SNTG1: variants seen among roughly 807,000 people sequenced by gnomAD.
SNTG1 encodes syntrophin gamma 1.
Under a neutral mutation model 74.7 loss-of-function variants are expected in SNTG1, and 39 were observed. The ratio of observed to expected loss-of-function variants is 0.52; its 90% CI spans 0.40 to 0.68. The LOEUF (loss-of-function observed/expected upper bound fraction) is 0.68, where lower values mean the gene tolerates loss of function less well. Ranked by LOEUF, SNTG1 falls within the 30% of genes least tolerant of loss-of-function variation. SNTG1 has a pLI of 0.00. For synonymous variants in SNTG1, 254 were observed against 217.1 expected, an observed-to-expected ratio of 1.17 and a Z score of -1.49; for missense variants, 685 against 609.5, an observed-to-expected ratio of 1.12 and a Z score of -1.30.
In SNTG1 at chr8:50,410,343, G is replaced by A. The variant is rs2092931254; in HGVS notation, c.162+7999G>A. 2.0e-5 allele frequency among the ~76,000 whole-genome samples: 3 copies of A among 152,134 alleles called. No homozygotes were observed. In the South Asian group the frequency reaches 6.2e-4, roughly 32 times the overall value. On this transcript the variant is annotated intron_variant, in intron 4 of 18. Coordinates refer to ENST00000642720, the MANE Select transcript of SNTG1 (RefSeq NM_018967.5). ...GAAATCTGTCAACATGGAGATTGGA[G>A]TCTGTGTACACACACATGCACAAAA...
Position 50,448,270 on chromosome 8 carries a change from A to G in SNTG1, c.220-1398A>G, listed in dbSNP as rs144350555. Among the ~76,000 whole-genome samples the G allele has an allele frequency of 8.8e-3, 1,332 of 151,896 alleles. 7 individuals carry two copies. The highest frequency in any genetic ancestry group is 0.044 in the Middle Eastern group (13 of 294). Reference sequence around the variant, plus strand: ...CAGTTTTCATTACCTTAATTATCATATTTCTTCTTAATATTCTGGAATTAG... The same window carrying G: ...CAGTTTTCATTACCTTAATTATCATGTTTCTTCTTAATATTCTGGAATTAG... On this transcript the variant is annotated intron_variant, in intron 5 of 18. Coordinates refer to ENST00000642720, the MANE Select transcript of SNTG1 (RefSeq NM_018967.5).
chr8:50,687,925 C>T (rs561661130), intron 15 of SNTG1, among the ~76,000 whole-genome samples: 2 of 152,274 alleles, frequency 1.3e-5, no homozygotes, highest in East Asian at 3.9e-4. Context: ...CTGTTGTTTC[C>T]TGACTTTTTA....
chr8:50,599,133 A>G (rs186016043), intron 13 of SNTG1, among the ~76,000 whole-genome samples: 8 of 152,056 alleles, frequency 5.3e-5, no homozygotes, highest in Admixed American at 2.0e-4. Context: ...ATTTCCGCCA[A>G]TGTATATTCT....
At chr8:50,002,536 TTTTC>T (rs1814839570) in intron 1 of SNTG1, among the ~76,000 whole-genome samples, 2 of 152,172 alleles carry the variant, frequency 1.3e-5, no homozygotes, top group Non-Finnish European at 2.9e-5. Flanking sequence ...TTTATTACTT[TTTTC>T]TTTATTTTAG....
At chr8:50,233,062 G>A (rs1300250152) in intron 2 of SNTG1, among the ~76,000 whole-genome samples, 1 of 151,464 alleles carries the variant, frequency 6.6e-6, no homozygotes, top group Non-Finnish European at 1.5e-5. Context: ...AGACGTTATT[G>A]TTGTAAAATT....
chr8:50,639,918 T>C (rs1206554407), intron 13 of SNTG1, among the ~76,000 whole-genome samples: 1 of 152,138 alleles, frequency 6.6e-6, no homozygotes, highest in Admixed American at 6.5e-5. Context: ...TTTACTTTTT[T>C]CAGGACCAGT....
intron 2 of SNTG1, among the ~76,000 whole-genome samples, chr8:50,323,652 C>G (rs1039744907): frequency 4.6e-5 from 7 of 152,136 alleles, no homozygotes. Flanking sequence ...GAGTCTCTTT[C>G]TCCCTGTGTT....
At chr8:50,748,977 C>T (rs2095561241) in intron 17 of SNTG1, among the ~76,000 whole-genome samples, 1 of 151,976 alleles carries the variant, frequency 6.6e-6, no homozygotes, top group Non-Finnish European at 1.5e-5. Context: ...ACTCACATGC[C>T]TCTCACTTTA....
intron 2 of SNTG1, among the ~76,000 whole-genome samples, chr8:50,213,929 T>C (rs2084647134): frequency 1.3e-5 from 2 of 151,860 alleles, no homozygotes. Flanking sequence ...AGCTCTTTAG[T>C]TTAATTAGAT....
chr8:50,631,878 A>C (rs1284596778), intron 13 of SNTG1, among the ~76,000 whole-genome samples: 3 of 152,224 alleles, frequency 2.0e-5, no homozygotes, highest in Non-Finnish European at 4.4e-5. Flanking sequence ...TACTGCTGGA[A>C]TACCCTTCTT....
rs145363474 is a variant in SNTG1, at chr8:49,928,771, A to G, written c.-103+16540A>G. On this transcript the variant is annotated intron_variant, in intron 1 of 18. Transcript: ENST00000642720. ...TTTCCCCAGTGCAAGAAAAAAAATAATATTTTTTAAATCAGAAAATATTTT... is the reference window on the plus strand; with the variant it reads ...TTTCCCCAGTGCAAGAAAAAAAATAGTATTTTTTAAATCAGAAAATATTTT... Among the ~76,000 whole-genome samples, 503 of 152,230 alleles carry G rather than the reference A, an allele frequency of 3.3e-3. 3 individuals are homozygous for G. The highest frequency in any genetic ancestry group is 0.011 in the African/African-American group (476 of 41,556).
chr8:49,945,250 T>G (rs1336101757), intron 1 of SNTG1, among the ~76,000 whole-genome samples: 1 of 152,174 alleles, frequency 6.6e-6, no homozygotes, highest in African/African-American at 2.4e-5. Context: ...CTTCAATACT[T>G]GAATACACAA....
At chr8:50,161,870 A>G (rs1300587260) in intron 1 of SNTG1, among the ~76,000 whole-genome samples, 1 of 152,326 alleles carries the variant, frequency 6.6e-6, no homozygotes, top group African/African-American at 2.4e-5. Flanking sequence ...ATTGTCTTTA[A>G]AAAAACACAA....
intron 8 of SNTG1, among the ~76,000 whole-genome samples, chr8:50,474,036 G>A (rs546114594): frequency 1.3e-5 from 2 of 151,962 alleles, no homozygotes; most frequent in South Asian, 4.2e-4. Flanking sequence ...TAGAGTTTCA[G>A]GTTTTAGAGT....
At chr8:49,979,815 T>C (rs1025487393) in intron 1 of SNTG1, among the ~76,000 whole-genome samples, 16 of 152,324 alleles carry the variant, frequency 1.1e-4, no homozygotes, top group African/African-American at 3.6e-4. Context: ...GTGTCCGCTG[T>C]TTACAGCTGT....
chr8:49,991,042 T>A (rs1813634845), intron 1 of SNTG1, among the ~76,000 whole-genome samples: 1 of 152,142 alleles, frequency 6.6e-6, no homozygotes, highest in Non-Finnish European at 1.5e-5. Context: ...AAATTATGTA[T>A]CTGATGATAG....
chr8:50,044,620 A>G (rs1045776462), intron 1 of SNTG1, among the ~76,000 whole-genome samples: 3 of 152,210 alleles, frequency 2.0e-5, no homozygotes, highest in Non-Finnish European at 2.9e-5. Context: ...GCTCTGTAAA[A>G]TAATCTGGAA....
At chr8:50,482,646 G>T (rs1297186882) in intron 8 of SNTG1, among the ~76,000 whole-genome samples, 3 of 152,148 alleles carry the variant, frequency 2.0e-5, no homozygotes, top group African/African-American at 7.2e-5. Flanking sequence ...AGAGTAGAGA[G>T]ACAGAGCTTG....
chr8:50,741,869 AG>A (rs1320375821), intron 17 of SNTG1, among the ~76,000 whole-genome samples: 1 of 151,988 alleles, frequency 6.6e-6, no homozygotes, highest in African/African-American at 2.4e-5. Flanking sequence ...TGGGAAAGAG[AG>A]GGATGAGTAG....
Sources: gnomAD v4.1 joint callset for allele counts (sites outside exome capture counted in the v4.1 genomes callset) on GRCh38, gnomAD v4.1.1 for gene constraint, MANE v1.5 for transcripts, NCBI Gene and HGNC (gene_info 2026-07-23, HGNC 2026-07-21) for gene names.